The following BCAS4 variants were observed in gnomAD, a reference collection of about 807,000 sequenced individuals.
The protein encoded by BCAS4 is breast carcinoma amplified sequence 4.
A neutral mutation model predicts 15.7 loss-of-function variants in BCAS4; 9 were observed. That is an observed-to-expected ratio of 0.57 (90% confidence interval 0.34 to 1.00). The LOEUF (loss-of-function observed/expected upper bound fraction) is 1.00. Ranked by LOEUF, BCAS4 falls within the 50% of genes least tolerant of loss-of-function variation. The pLI is 0.02. For synonymous variants in BCAS4, 101 were observed against 99.5 expected, an observed-to-expected ratio of 1.02 and a Z score of -0.09; for missense variants, 225 against 239.1, an observed-to-expected ratio of 0.94 and a Z score of 0.39.
intron 4 of BCAS4, among the ~76,000 whole-genome samples, chr20:50,863,104 A>C (rs1184059822): frequency 6.6e-6 from 1 of 151,618 alleles, no homozygotes; most frequent in Non-Finnish European, 1.5e-5. Context: ...TGCTGGGATT[A>C]CAGGCATGAG....
At chr20:50,806,222 A>G (rs2087987875) in intron 1 of BCAS4, among the ~76,000 whole-genome samples, 1 of 152,088 alleles carries the variant, frequency 6.6e-6, no homozygotes, top group Non-Finnish European at 1.5e-5. Flanking sequence ...ACAATTTTCA[A>G]ATGGGGAGTC....
intron 1 of BCAS4, among the ~76,000 whole-genome samples, chr20:50,810,906 T>C (rs2088053864): frequency 6.6e-6 from 1 of 152,028 alleles, no homozygotes; most frequent in South Asian, 2.1e-4. Flanking sequence ...AAAATAGTTA[T>C]GTTAGATGGT....
chr20:50,871,901 C>G (rs746479912), intron 4 of BCAS4, among the ~76,000 whole-genome samples: 1 of 152,180 alleles, frequency 6.6e-6, no homozygotes, highest in African/African-American at 2.4e-5. Flanking sequence ...TGGCCCCAGC[C>G]TGAGCTGTGG....
intron 2 of BCAS4, among the ~76,000 whole-genome samples, 177 bp from the exon 3 acceptor site, chr20:50,830,102 C>T (rs991408710): frequency 1.8e-4 from 27 of 152,122 alleles, no homozygotes; most frequent in African/African-American, 4.6e-4. Flanking sequence ...TCCACAGAGG[C>T]GACGATGTTG....
At chr20:50,839,472 T>C (rs890759860) in intron 3 of BCAS4, among the ~76,000 whole-genome samples, 4 of 152,204 alleles carry the variant, frequency 2.6e-5, no homozygotes, top group African/African-American at 9.6e-5. Flanking sequence ...GGGCTCTTAA[T>C]ATGTACTAAG....
At chr20:50,798,538 C>T (rs11906909) in intron 1 of BCAS4, among the ~76,000 whole-genome samples, 32,424 of 151,992 alleles carry the variant, frequency 0.21, 3,660 homozygotes, top group African/African-American at 0.29. Context: ...AAATAAAAAG[C>T]ATATCCAAAA....
At chr20:50,854,443 G>A (rs918942859) in intron 4 of BCAS4, among the ~76,000 whole-genome samples, 10 of 152,142 alleles carry the variant, frequency 6.6e-5, no homozygotes, top group African/African-American at 1.9e-4. Context: ...GCAGGCACCC[G>A]GACGCTCTGC....
chr20:50,852,495 C>G (rs1407988078), intron 4 of BCAS4, among the ~76,000 whole-genome samples: 3 of 152,174 alleles, frequency 2.0e-5, no homozygotes, highest in Non-Finnish European at 4.4e-5. Flanking sequence ...AGTTCTCCTG[C>G]CTCAGCCTCC....
chr20:50,821,195 C>A (rs1164560959), intron 2 of BCAS4, among the ~76,000 whole-genome samples: 2 of 152,202 alleles, frequency 1.3e-5, no homozygotes, highest in Non-Finnish European at 2.9e-5. Flanking sequence ...TTTGACCCTA[C>A]TGAAAGTGGG....
At chr20:50,795,681 C>T (rs982312181) in intron 1 of BCAS4, among the ~76,000 whole-genome samples, 2 of 152,222 alleles carry the variant, frequency 1.3e-5, no homozygotes, top group African/African-American at 4.8e-5. Flanking sequence ...AGGCATCTGT[C>T]GACGCTGTTG....
At chr20:50,820,269 G>C (rs1035971690) in intron 2 of BCAS4, among the ~76,000 whole-genome samples, 6 of 152,198 alleles carry the variant, frequency 3.9e-5, no homozygotes, top group Admixed American at 3.9e-4. Context: ...GTATCAGTTG[G>C]TGCCGTCCCA....
intron 2 of BCAS4, among the ~76,000 whole-genome samples, chr20:50,829,789 T>G (rs936644730): frequency 2.0e-5 from 3 of 151,860 alleles, no homozygotes; most frequent in African/African-American, 7.3e-5. Flanking sequence ...AAGGAGATGG[T>G]GCAAGGAAGT....
intron 4 of BCAS4, among the ~76,000 whole-genome samples, chr20:50,850,480 C>A (rs930456627): frequency 2.6e-5 from 4 of 152,204 alleles, no homozygotes; most frequent in Non-Finnish European, 4.4e-5. Context: ...GCTAGTTCTG[C>A]CTCAACCACA....
chr20:50,852,353 G>A (rs923899865), intron 4 of BCAS4, among the ~76,000 whole-genome samples: 3 of 151,088 alleles, frequency 2.0e-5, no homozygotes, highest in Admixed American at 6.6e-5. Context: ...CAGGCCTTGC[G>A]CTTTTTGTGG....
At chr20:50,875,293 C>T (rs1268902072) in intron 4 of BCAS4, among the ~76,000 whole-genome samples, 1 of 151,896 alleles carries the variant, frequency 6.6e-6, no homozygotes, top group East Asian at 1.9e-4. Context: ...CCTGCAGGAG[C>T]CCGCCAGCCA....
chr20:50,799,908 G>A (rs1359627886), intron 1 of BCAS4, among the ~76,000 whole-genome samples: 2 of 152,092 alleles, frequency 1.3e-5, no homozygotes, highest in South Asian at 2.1e-4. Flanking sequence ...TTAGCTGGGC[G>A]TGGTGGTATG....
chr20:50,813,518 A>C (rs1462448610), intron 1 of BCAS4, among the ~76,000 whole-genome samples: 5 of 152,090 alleles, frequency 3.3e-5, no homozygotes, highest in African/African-American at 1.2e-4. Flanking sequence ...ATTTGGGTAG[A>C]GACATTTTGA....
chr20:50,806,438 T>A (rs2087990320), intron 1 of BCAS4, among the ~76,000 whole-genome samples: 1 of 152,220 alleles, frequency 6.6e-6, no homozygotes, highest in African/African-American at 2.4e-5. Context: ...TGATTACCAA[T>A]CACTGGATAG....
chr20:50,830,185 T>A, intron 2 of BCAS4, 94 bp from the exon 3 acceptor site: 2 of 953,654 alleles, frequency 2.1e-6, no homozygotes, highest in African/African-American at 3.3e-5. Context: ...TCAGCCATCA[T>A]TGGGGTCTGT....
Sources: gnomAD v4.1 joint callset for allele counts (sites outside exome capture counted in the v4.1 genomes callset) on GRCh38, gnomAD v4.1.1 for gene constraint, MANE v1.5 for transcripts, NCBI Gene and HGNC (gene_info 2026-07-23, HGNC 2026-07-21) for gene names.